Variants in PRKCB observed in about 807,000 individuals in gnomAD.
PRKCB encodes protein kinase C beta type.
Under a neutral mutation model 81.5 loss-of-function variants are expected in PRKCB, and 13 were observed. The observed-to-expected ratio is 0.16, with a 90% CI of 0.10 to 0.25. The LOEUF (loss-of-function observed/expected upper bound fraction) is 0.25. PRKCB is among the 10% of genes least tolerant of loss of function. The pLI is 1.00. For missense variants in PRKCB, 509 were observed against 875.7 expected (o/e 0.58, Z 5.29); for synonymous variants, 335 against 321.4 (o/e 1.04, Z -0.45).
chr16:23,881,919 T>A (rs1283013353), intron 2 of PRKCB, among the ~76,000 whole-genome samples: 1 of 152,134 alleles, frequency 6.6e-6, no homozygotes, highest in Admixed American at 6.5e-5. Context: ...AGTGGACTCT[T>A]GCAGTATTTG....
chr16:23,843,524 T>G (rs1190239872), intron 2 of PRKCB, among the ~76,000 whole-genome samples: 1 of 152,132 alleles, frequency 6.6e-6, no homozygotes, highest in Non-Finnish European at 1.5e-5. Context: ...ACATTGAGTC[T>G]TAAAAAGGAG....
chr16:23,890,349 T>G (rs1963273715), intron 2 of PRKCB, among the ~76,000 whole-genome samples: 1 of 152,232 alleles, frequency 6.6e-6, no homozygotes, highest in Non-Finnish European at 1.5e-5. Context: ...AGATCAAGTC[T>G]TGCTCCTCTT....
At chr16:23,902,732 C>CCCTT (rs1555483455) in intron 2 of PRKCB, among the ~76,000 whole-genome samples, 305 of 11,118 alleles carry the variant, frequency 0.027, 10 homozygotes, top group Non-Finnish European at 0.033. Flanking sequence ...CTCCCTTCCT[C>CCCTT]CCTTCCTTCC....
chr16:24,218,612 G>A lies in PRKCB; in HGVS notation c.*3796G>A. 1 of 985,120 alleles carries A rather than the reference G, an allele frequency of 1.0e-6. No homozygotes were observed. The highest frequency in any genetic ancestry group is 1.2e-6 in the Non-Finnish European group (1 of 829,954). The allele number at this position is 985,120 out of a possible 1,614,324, so 61.0% of individuals were successfully genotyped here. A position where few individuals can be genotyped will look rare whatever the true frequency, so the allele number is the denominator to read the frequency against. On this transcript the variant is annotated 3_prime_UTR_variant, in exon 17 of 17. Coordinates refer to ENST00000643927, the MANE Select transcript of PRKCB (RefSeq NM_002738.7). ...GAGCAGCCACAAAGAAGCAAGTCTT[G>A]TAAAAGGTCTTTTGCAAAGGAGAGT...
chr16:24,123,805 G>A, intron 8 of PRKCB, 30 bp from the exon 9 acceptor site: 1 of 1,611,724 alleles, frequency 6.2e-7, no homozygotes. Flanking sequence ...CAAACCCTGA[G>A]CATGTTTTCT....
chr16:24,091,222 C>G (rs539699762), intron 5 of PRKCB, among the ~76,000 whole-genome samples: 6 of 152,256 alleles, frequency 3.9e-5, no homozygotes, highest in Non-Finnish European at 5.9e-5. Flanking sequence ...TCTGCTGTTT[C>G]TAGATAACTA....
At chr16:23,977,478 G>T (rs1964640811) in intron 2 of PRKCB, among the ~76,000 whole-genome samples, 1 of 152,134 alleles carries the variant, frequency 6.6e-6, no homozygotes, top group Admixed American at 6.5e-5. Flanking sequence ...CTCCTGGGGA[G>T]CCAGGACTGA....
In PRKCB at chr16:23,895,736, G is replaced by A. The variant is rs1282858557; in HGVS notation, c.205+58330G>A. On this transcript the variant is annotated intron_variant, in intron 2 of 16. Transcript: ENST00000643927. Reference sequence around the variant, plus strand: ...GCTTGGTGATAATAATGCCAGTGTTGCTTATTTTTAATACTTAAATTAAAT... The same window carrying A: ...GCTTGGTGATAATAATGCCAGTGTTACTTATTTTTAATACTTAAATTAAAT... Among the ~76,000 whole-genome samples the A allele has an allele frequency of 2.0e-5, 3 of 152,094 alleles. No individual in the cohort carries two copies. The East Asian group carries it at 5.8e-4, about 29-fold the overall frequency.
At chr16:24,128,939 C>T (rs998957836) in intron 9 of PRKCB, among the ~76,000 whole-genome samples, 9 of 152,100 alleles carry the variant, frequency 5.9e-5, no homozygotes, top group Admixed American at 1.3e-4. Context: ...AATTATGCTG[C>T]ATATATATAA....
intron 9 of PRKCB, among the ~76,000 whole-genome samples, chr16:24,153,161 C>T (rs1012071224): frequency 8.5e-5 from 13 of 152,110 alleles, no homozygotes; most frequent in Non-Finnish European, 1.6e-4. Context: ...TAAGCTTATT[C>T]TATATGTCAC....
chr16:24,163,571 C>T (rs1255780816), intron 10 of PRKCB, among the ~76,000 whole-genome samples: 1 of 152,148 alleles, frequency 6.6e-6, no homozygotes, highest in Non-Finnish European at 1.5e-5. Flanking sequence ...AAACTTTGGC[C>T]TCTATGTGGA....
chr16:23,861,646 A>G (rs1402995413), intron 2 of PRKCB, among the ~76,000 whole-genome samples: 1 of 152,234 alleles, frequency 6.6e-6, no homozygotes, highest in Non-Finnish European at 1.5e-5. Flanking sequence ...GATAGCTCCC[A>G]GAATCACATA....
intron 9 of PRKCB, among the ~76,000 whole-genome samples, chr16:24,136,485 G>A (rs568143315): frequency 3.3e-5 from 5 of 152,234 alleles, no homozygotes; most frequent in Admixed American, 1.3e-4. Context: ...GGCTCCATCT[G>A]GGGGGTTGTA....
At chr16:24,067,899 G>A (rs1301198822) in intron 5 of PRKCB, among the ~76,000 whole-genome samples, 2 of 151,664 alleles carry the variant, frequency 1.3e-5, no homozygotes, top group African/African-American at 4.8e-5. Context: ...CCTGGGAGGC[G>A]GAGGTTACAG....
rs1243729933 is a variant in PRKCB, at chr16:24,217,976, G to A, written c.*3160G>A. ...CCTCAGAGTAAAGTTTCTGGCTCGG[G>A]GACAATTATAAGTTGCAAAAAGGAT... On this transcript the variant is annotated 3_prime_UTR_variant, in exon 17 of 17. Coordinates refer to ENST00000643927, the MANE Select transcript of PRKCB (RefSeq NM_002738.7). The A allele has an allele frequency of 1.0e-6, 1 of 985,080 alleles. No individual in the cohort carries two copies. The highest frequency in any genetic ancestry group is 1.2e-6 in the Non-Finnish European group (1 of 829,906). 61.0% of individuals were successfully genotyped at this position (985,080 alleles called of 1,614,324 possible). A position where few individuals can be genotyped will look rare whatever the true frequency, so the allele number is the denominator to read the frequency against.
chr16:24,054,222 T>C (rs934394803), intron 5 of PRKCB, among the ~76,000 whole-genome samples: 3 of 152,100 alleles, frequency 2.0e-5, no homozygotes, highest in African/African-American at 7.2e-5. Flanking sequence ...AGTGACCCTC[T>C]TGCCTCAGCC....
chr16:24,055,111 G>T (rs1596530195), intron 5 of PRKCB, among the ~76,000 whole-genome samples: 5 of 152,234 alleles, frequency 3.3e-5, no homozygotes, highest in Admixed American at 3.3e-4. Context: ...GCCCTCTTGG[G>T]CACAGGCCAG....
chr16:23,937,714 A>G (rs1181803383), intron 2 of PRKCB, among the ~76,000 whole-genome samples: 1 of 152,224 alleles, frequency 6.6e-6, no homozygotes, highest in Non-Finnish European at 1.5e-5. Flanking sequence ...TAAGAGACTC[A>G]GCTTCGTACC....
chr16:23,836,878 C>G (rs1237223685), intron 1 of PRKCB, among the ~76,000 whole-genome samples: 2 of 151,858 alleles, frequency 1.3e-5, no homozygotes, highest in African/African-American at 4.8e-5. Flanking sequence ...CCCATTGCCC[C>G]TCCCCGAGGG....
Sources: allele counts gnomAD v4.1 joint callset (sites outside exome capture counted in the v4.1 genomes callset), GRCh38; gene constraint gnomAD v4.1.1; transcripts MANE v1.5; gene names NCBI Gene and HGNC (gene_info 2026-07-23, HGNC 2026-07-21).